The following RSF1 variants were observed in gnomAD, a reference collection of about 807,000 sequenced individuals.
The protein encoded by RSF1 is HBV pX-associated protein 8.
RSF1 carries 13 observed loss-of-function variants against 145.2 expected under a neutral mutation model. That is an observed-to-expected ratio of 0.09 (90% CI 0.06 to 0.14). The LOEUF (loss-of-function observed/expected upper bound fraction) is 0.14. Among genes scored for constraint, RSF1 ranks in the 10% least tolerant of loss-of-function variants. RSF1 has a pLI of 1.00. For missense variants in RSF1, 1,517 were observed against 1,718.2 expected (o/e 0.88, Z 2.07); for synonymous variants, 577 against 592.6 (o/e 0.97, Z 0.38).
At chr11:77,862,103 G>A in the RSF1 span, among the ~76,000 whole-genome samples, 1 of 152,088 alleles carries the variant, frequency 6.6e-6, no homozygotes, top group Non-Finnish European at 1.5e-5. Context: ...AGTCCTTCTA[G>A]CACGCAAGGT....
chr11:77,736,088 C>G (rs1011739769), intron 4 of RSF1, among the ~76,000 whole-genome samples: 2 of 152,172 alleles, frequency 1.3e-5, no homozygotes, highest in Non-Finnish European at 2.9e-5. Flanking sequence ...CTGCCTCTTA[C>G]AAAACTCCAC....
chr11:77,683,921 AG>A (rs1285408729), intron 10 of RSF1, 102 bp from the exon 11 acceptor site: 1 of 814,554 alleles, frequency 1.2e-6, no homozygotes, highest in Admixed American at 2.7e-5. Flanking sequence ...CACATGTGAA[AG>A]GTCTGAAAAA....
intron 1 of RSF1, among the ~76,000 whole-genome samples, chr11:77,815,045 T>A (rs1287136018): frequency 6.6e-6 from 1 of 152,176 alleles, no homozygotes; most frequent in Admixed American, 6.5e-5. Context: ...CTAAAGGTGG[T>A]GTGACTTCAG....
At chr11:77,756,097 C>T (rs919805218) in intron 2 of RSF1, among the ~76,000 whole-genome samples, 1 of 152,078 alleles carries the variant, frequency 6.6e-6, no homozygotes, top group Admixed American at 6.5e-5. Flanking sequence ...GTGGCTCACA[C>T]CTGTAATCCC....
At chr11:77,861,756 T>A in the RSF1 span, among the ~76,000 whole-genome samples, 1 of 152,198 alleles carries the variant, frequency 6.6e-6, no homozygotes, top group Non-Finnish European at 1.5e-5. Context: ...GCCTCCAAAG[T>A]CCGCTTGCCT....
chr11:77,828,004 T>G, the RSF1 span, among the ~76,000 whole-genome samples: 3 of 152,188 alleles, frequency 2.0e-5, no homozygotes, highest in East Asian at 3.8e-4. Context: ...CCAGGCACAG[T>G]GGCTCCTGCC....
intron 2 of RSF1, among the ~76,000 whole-genome samples, chr11:77,761,586 T>C (rs1948172473): frequency 1.3e-5 from 2 of 152,280 alleles, no homozygotes; most frequent in South Asian, 2.1e-4. Flanking sequence ...TGAAGGCAAA[T>C]TGTTATTTAG....
intron 5 of RSF1, chr11:77,718,286 ATAAGAG>A (rs1252261869): frequency 6.6e-6 from 1 of 152,240 alleles, no homozygotes; most frequent in Non-Finnish European, 1.5e-5. Flanking sequence ...AGCCTGGGCA[ATAAGAG>A]TAAAACTCCG....
intron 1 of RSF1, among the ~76,000 whole-genome samples, chr11:77,817,823 C>A (rs1948796560): frequency 6.6e-6 from 1 of 152,320 alleles, no homozygotes; most frequent in Admixed American, 6.5e-5. Context: ...CAGTTCAAAT[C>A]TTGTTGGCTG....
chr11:77,693,653 T>C (rs1960211531), intron 7 of RSF1, 42 bp from the exon 8 acceptor site: 5 of 1,382,432 alleles, frequency 3.6e-6, no homozygotes, highest in Non-Finnish European at 5.1e-6. Flanking sequence ...ATGACTAAAA[T>C]TCAATGACTC....
chr11:77,671,173 A>ATATT (rs1959535318), intron 15 of RSF1, among the ~76,000 whole-genome samples: 1 of 95,934 alleles, frequency 1.0e-5, no homozygotes, highest in Non-Finnish European at 1.9e-5. Context: ...ATATATATAT[A>ATATT]TATATTTATA....
chr11:77,682,191 T>C (rs1482162424), intron 11 of RSF1, among the ~76,000 whole-genome samples: 2 of 152,208 alleles, frequency 1.3e-5, no homozygotes, highest in East Asian at 1.9e-4. Flanking sequence ...CCTGTATATA[T>C]GGGATTTTAC....
In RSF1 at chr11:77,700,855, T is replaced by G; in HGVS notation, c.2374A>C (p.Arg792=). 6.2e-7 allele frequency: 1 copy of G among 1,613,848 alleles called. No individual in the cohort carries two copies. The highest frequency in any genetic ancestry group is 8.5e-7 in the Non-Finnish European group (1 of 1,180,018). Residue 792 remains arginine, a synonymous_variant, in exon 6 of 16, where the codon AGA becomes CGA. Coordinates refer to ENST00000308488, the MANE Select transcript of RSF1 (RefSeq NM_016578.4). ...SRPTAKVAEI[R]DQKADKKRGE... is the part of the protein sequence containing the mutation. ...CTTTTTTTATCAGCTTTCTGATCTC[T>G]GATCTCAGCCACTTTTGCAGTGGGT...
chr11:77,672,115 G>C lies in RSF1; in HGVS notation c.3678C>G (p.Ser1226=). 1 of 1,613,910 alleles carries C rather than the reference G, an allele frequency of 6.2e-7. No individual in the cohort carries two copies. Among genetic ancestry groups the C allele is most frequent in the Non-Finnish European group, 8.5e-7 (1 of 1,179,976 alleles). The part of the protein sequence containing the change: ...NYKEDSESDG[S]QKSLRRGKEI... ...CTTTACCACGTCGCAAACTCTTCTG[G>C]GAACCGTCACTTTCTGAGTCTTCTT... Residue 1226 remains serine (S), a synonymous_variant, in exon 15 of 16, where the codon TCC becomes TCG. Transcript: ENST00000308488.
chr11:77,869,913 T>C, the RSF1 span: 3 of 1,168,608 alleles, frequency 2.6e-6, no homozygotes, highest in East Asian at 2.4e-5. Context: ...CATCTTTATA[T>C]ATCATGTACC....
rs960524959 is a variant in RSF1, at chr11:77,663,597, T to C, written c.*3320A>G. 8.5e-5 allele frequency: 13 copies of C among 152,128 alleles called. No individual in the cohort carries two copies. Among genetic ancestry groups the C allele is most frequent in the African/African-American group, 3.1e-4 (13 of 41,444 alleles). The allele number at this position is 152,128 out of a possible 1,614,324, so 9.4% of individuals were successfully genotyped here. On this transcript the variant is annotated 3_prime_UTR_variant, in exon 16 of 16. Transcript: ENST00000308488. ...CCTCTGAATCTGTAACCTTGACCAA[T>C]TGAAAAAAGGATGTCAAGGAAATAT... is the stretch of plus-strand genomic sequence containing the variant.
chr11:77,709,442 T>C (rs1163802138), intron 5 of RSF1, among the ~76,000 whole-genome samples: 1 of 152,188 alleles, frequency 6.6e-6, no homozygotes, highest in Non-Finnish European at 1.5e-5. Context: ...TAAATATTTG[T>C]TGACTGAAAT....
intron 1 of RSF1, among the ~76,000 whole-genome samples, chr11:77,793,842 G>T (rs926865807): frequency 1.3e-5 from 2 of 152,112 alleles, no homozygotes; most frequent in African/African-American, 2.4e-5. Context: ...TGTAAGAGTA[G>T]CTGCGCTCTC....
chr11:77,667,531 C>T, intron 15 of RSF1, 40 bp from the exon 16 acceptor site: 11 of 1,533,818 alleles, frequency 7.2e-6, no homozygotes, highest in Non-Finnish European at 9.7e-6. Flanking sequence ...GCACGGTTAA[C>T]CATAAACGAA....
Sources: allele counts gnomAD v4.1 joint callset (sites outside exome capture counted in the v4.1 genomes callset), GRCh38; gene constraint gnomAD v4.1.1; transcripts MANE v1.5; gene names NCBI Gene and HGNC (gene_info 2026-07-23, HGNC 2026-07-21).